The following FAM20C variants were observed in gnomAD, a reference collection of about 807,000 sequenced individuals.
FAM20C encodes extracellular serine/threonine protein kinase FAM20C.
FAM20C carries 40 observed loss-of-function variants against 51.5 expected under a neutral mutation model. That is an observed-to-expected ratio of 0.78 (90% CI 0.60 to 1.01). The LOEUF (loss-of-function observed/expected upper bound fraction) is 1.01, where lower values mean the gene tolerates loss of function less well. Among genes scored for constraint, FAM20C ranks in the 50% least tolerant of loss-of-function variants. The pLI is 0.00. For synonymous variants in FAM20C, 406 were observed against 380.6 expected (o/e 1.07, Z -0.78); for missense variants, 861 against 844.7 (o/e 1.02, Z -0.24).
At chr7:247,937 A>C (rs900753275) in intron 4 of FAM20C, among the ~76,000 whole-genome samples, 3 of 152,244 alleles carry the variant, frequency 2.0e-5, no homozygotes, top group Non-Finnish European at 2.9e-5. Context: ...TGCATTCTCC[A>C]TTTAATTAAG....
intron 3 of FAM20C, among the ~76,000 whole-genome samples, chr7:213,905 G>A (rs370090608): frequency 6.6e-5 from 10 of 152,258 alleles, no homozygotes; most frequent in South Asian, 4.1e-4. Context: ...TGCACGTCCC[G>A]GTGACTAATA....
At chr7:245,569 G>C (rs1788119160) in intron 3 of FAM20C, among the ~76,000 whole-genome samples, 1 of 152,196 alleles carries the variant, frequency 6.6e-6, no homozygotes, top group Admixed American at 6.5e-5. Flanking sequence ...CATGGCAGGG[G>C]CCGGCCTTGG....
At chr7:215,227 CT>C (rs780291966) in intron 3 of FAM20C, among the ~76,000 whole-genome samples, 1 of 66,040 alleles carries the variant, frequency 1.5e-5, no homozygotes, top group African/African-American at 4.4e-5. Flanking sequence ...GAGGCTCCAG[CT>C]GGGGGGGGGA....
intron 5 of FAM20C, among the ~76,000 whole-genome samples, chr7:254,612 T>C (rs540690238): frequency 2.0e-5 from 3 of 151,730 alleles, no homozygotes; most frequent in Non-Finnish European, 4.4e-5. Context: ...GTATAATTCA[T>C]GTACCACAAA....
At chr7:218,878 G>A (rs563011903) in intron 3 of FAM20C, among the ~76,000 whole-genome samples, 1,704 of 147,608 alleles carry the variant, frequency 0.012, 35 homozygotes, top group Middle Eastern at 0.065. Flanking sequence ...ACTCCTGTCC[G>A]GCCGGGAGCT....
chr7:258,893 C>T (rs1014880684), intron 9 of FAM20C, among the ~76,000 whole-genome samples, 188 bp downstream of exon 9: 4 of 152,172 alleles, frequency 2.6e-5, no homozygotes, highest in Admixed American at 6.5e-5. Flanking sequence ...ACCTCACCCG[C>T]CCACCACCCC....
chr7:206,446 C>T (rs918980605), intron 2 of FAM20C, among the ~76,000 whole-genome samples: 1 of 152,164 alleles, frequency 6.6e-6, no homozygotes, highest in African/African-American at 2.4e-5. Context: ...CACCTTTGCA[C>T]CCTCCCGTGC....
chr7:228,313 AG>A lies in FAM20C; in HGVS notation c.864-18100del, dbSNP rs1787522552. On this transcript the variant is annotated intron_variant, in intron 3 of 9. Transcript: ENST00000313766. ...TGTCCCCATGGGTTCCGAAGAAGGCAGGTTCATTGGAAAAGCTTGGAAATCT... is the reference window on the plus strand; with the variant it reads ...TGTCCCCATGGGTTCCGAAGAAGGCAGTTCATTGGAAAAGCTTGGAAATCT... 1.1e-4 allele frequency: 43 copies of A among 376,676 alleles called. 1 individual carries two copies. The highest frequency in any genetic ancestry group is 8.2e-4 in the South Asian group (43 of 52,308). The allele number at this position is 376,676 out of a possible 1,614,324, so 23.3% of individuals were successfully genotyped here.
At chr7:232,800 C>T (rs1421146844) in intron 3 of FAM20C, among the ~76,000 whole-genome samples, 2 of 152,180 alleles carry the variant, frequency 1.3e-5, no homozygotes, top group Non-Finnish European at 2.9e-5. Flanking sequence ...CGTTGCAGGA[C>T]GGGGCACCCG....
At chr7:255,479 T>G (rs1788555839) in intron 5 of FAM20C, among the ~76,000 whole-genome samples, 1 of 152,232 alleles carries the variant, frequency 6.6e-6, no homozygotes, top group Non-Finnish European at 1.5e-5. Flanking sequence ...TGCTAGATCC[T>G]CAGATGTGCG....
Position 254,827 on chromosome 7 carries a change from G to A in FAM20C, c.1073-1022G>A, listed in dbSNP as rs147375253. Among the ~76,000 whole-genome samples, 360 of 152,346 alleles carry A rather than the reference G, an allele frequency of 2.4e-3. 1 individual carries two copies. Among genetic ancestry groups the A allele is most frequent in the African/African-American group, 8.1e-3 (336 of 41,586 alleles). On this transcript the variant is annotated intron_variant, in intron 5 of 9. Coordinates refer to ENST00000313766, the MANE Select transcript of FAM20C (RefSeq NM_020223.4). The stretch of plus-strand genomic sequence containing the variant: ...CTATCTGGATTTGCCTGTTCTGGGC[G>A]TTTCATATTAAGAGGGTCATACGAC...
chr7:224,483 C>A (rs867491777), intron 3 of FAM20C, among the ~76,000 whole-genome samples: 1 of 6,368 alleles, frequency 1.6e-4, no homozygotes, highest in Non-Finnish European at 3.2e-4. Context: ...CAGAATGGCA[C>A]CGTCACGGGG....
At chr7:212,948 T>C (rs549676167) in intron 3 of FAM20C, among the ~76,000 whole-genome samples, 1 of 146,910 alleles carries the variant, frequency 6.8e-6, no homozygotes, top group Admixed American at 6.9e-5. Context: ...CGCCATTCTG[T>C]CATCACTCCT....
At chr7:213,614 A>G (rs994046900) in intron 3 of FAM20C, among the ~76,000 whole-genome samples, 8 of 152,032 alleles carry the variant, frequency 5.3e-5, no homozygotes, top group Admixed American at 5.2e-4. Flanking sequence ...ATCAAGGATA[A>G]TGTTGCTTTG....
At chr7:217,408 C>T (rs1787044331) in intron 3 of FAM20C, among the ~76,000 whole-genome samples, 2 of 152,286 alleles carry the variant, frequency 1.3e-5, no homozygotes, top group Admixed American at 6.5e-5. Context: ...CCCGGGTGCC[C>T]CCCTTTAGGG....
chr7:218,486 C>T (rs1184903201), intron 3 of FAM20C, among the ~76,000 whole-genome samples: 1 of 152,210 alleles, frequency 6.6e-6, no homozygotes, highest in Non-Finnish European at 1.5e-5. Flanking sequence ...GTGGCCCAGC[C>T]GGGGAGCTGA....
At chr7:246,175 C>G (rs1421088424) in intron 3 of FAM20C, 1 of 482,362 alleles carries the variant, frequency 2.1e-6, no homozygotes, top group Non-Finnish European at 3.8e-6. Context: ...GAGGGCCCGT[C>G]GGCAGCTGGG....
At position 208,972 on chromosome 7, in the gene FAM20C, A is replaced by C. The variant is rs1451505408; in HGVS notation, c.859A>C (p.Met287Leu). ...QNYGQALFKP[M>L]KQTREQETPP... ...TTACGGGCAAGCGCTGTTCAAACCCATGAAGTAAGTGCCGAGGCCTGTGGG... is the reference window on the plus strand; with the variant it reads ...TTACGGGCAAGCGCTGTTCAAACCCCTGAAGTAAGTGCCGAGGCCTGTGGG... Residue 287 changes from methionine (M) to leucine (L), a missense_variant, in exon 3 of 10, where the codon ATG becomes CTG. By Grantham distance (15) the Met-to-Leu change is conservative (BLOSUM62 2). Around this residue, in one of 3 missense-constraint regions of FAM20C, gnomAD observed 561 missense variants for 499.8 expected, o/e 1.12. Coordinates refer to ENST00000313766, the MANE Select transcript of FAM20C (RefSeq NM_020223.4). 1.3e-6 allele frequency: 2 copies of C among 1,581,328 alleles called. No individual in the cohort carries two copies. Among genetic ancestry groups the C allele is most frequent in the Non-Finnish European group, 1.7e-6 (2 of 1,163,772 alleles).
At chr7:219,534 G>A (rs1259788696) in intron 3 of FAM20C, among the ~76,000 whole-genome samples, 2 of 152,180 alleles carry the variant, frequency 1.3e-5, no homozygotes, top group Non-Finnish European at 2.9e-5. Context: ...TCCGGTACCT[G>A]AAGCAGCAGG....
Sources: gnomAD v4.1 joint callset for allele counts (sites outside exome capture counted in the v4.1 genomes callset) on GRCh38, gnomAD v4.1.1 for gene constraint, gnomAD v4.1.1 regional missense constraint, MANE v1.5 for transcripts, NCBI Gene and HGNC (gene_info 2026-07-23, HGNC 2026-07-21) for gene names.